The following SI variants were observed in gnomAD, a reference collection of about 807,000 sequenced individuals.
SI encodes sucrase-isomaltase, intestinal.
In SI, 235 loss-of-function variants were observed where a neutral mutation model predicts 253.3. That is an observed-to-expected ratio of 0.93 (90% CI 0.83 to 1.03). The LOEUF is 1.03. Among genes scored for constraint, SI ranks in the 50% least tolerant of loss-of-function variants. The probability of loss-of-function intolerance (pLI) is 0.00; values close to 1 mark genes in which losing one functional copy is unlikely to be tolerated. For synonymous variants in SI, 819 were observed against 712.0 expected (o/e 1.15, Z -2.39); for missense variants, 2,442 against 2,211.1 (o/e 1.10, Z -2.09).
At chr3:165,067,579 TA>T in intron 5 of SI, 88 bp from the exon 6 acceptor site, 1 of 1,187,150 alleles carries the variant, frequency 8.4e-7, no homozygotes, top group Non-Finnish European at 1.2e-6. Flanking sequence ...AAGTTCCAAA[TA>T]AAAAATAACG....
At chr3:165,075,211 C>T (rs941116456) in intron 2 of SI, among the ~76,000 whole-genome samples, 1 of 151,928 alleles carries the variant, frequency 6.6e-6, no homozygotes, top group African/African-American at 2.4e-5. Flanking sequence ...TATATTGCTT[C>T]ATAATACAGT....
chr3:165,065,835 T>C (rs1280569750), intron 6 of SI, among the ~76,000 whole-genome samples: 2 of 151,758 alleles, frequency 1.3e-5, no homozygotes, highest in Non-Finnish European at 2.9e-5. Flanking sequence ...AAATACAGTA[T>C]TTTACTGGCT....
At chr3:165,003,680 C>T (rs1442245756) in intron 37 of SI, among the ~76,000 whole-genome samples, 1 of 151,992 alleles carries the variant, frequency 6.6e-6, no homozygotes, top group East Asian at 1.9e-4. Flanking sequence ...GTTTTCAACC[C>T]TGTCTGCTCA....
Position 165,039,900 on chromosome 3 carries a change from G to A in SI, c.2231C>T (p.Pro744Leu). 1.2e-6 allele frequency: 2 copies of A among 1,611,848 alleles called. No homozygotes were observed. Among genetic ancestry groups the A allele is most frequent in the Non-Finnish European group, 1.7e-6 (2 of 1,178,180 alleles). ...TGTAGAGCCTACCTGTTTTAGAACAGGAGTAATAAGTAATGCAGGGCCCCA... is the reference window on the plus strand; with the variant it reads ...TGTAGAGCCTACCTGTTTTAGAACAAGAGTAATAAGTAATGCAGGGCCCCA... ...FLWGPALLIT[P>L]VLKQGADTVS... Residue 744 changes from proline (P) to leucine (L), a missense_variant, in exon 19 of 48, where the codon CCT becomes CTT. Physicochemically the swap from Pro to Leu is moderately conservative, Grantham distance 98. Coordinates refer to ENST00000264382, the MANE Select transcript of SI (RefSeq NM_001041.4).
intron 13 of SI, among the ~76,000 whole-genome samples, chr3:165,054,569 G>T (rs1321322037): frequency 6.6e-6 from 1 of 151,964 alleles, no homozygotes; most frequent in Non-Finnish European, 1.5e-5. Flanking sequence ...TGGTCGGGCT[G>T]GTCTCGAACT....
intron 8 of SI, among the ~76,000 whole-genome samples, chr3:165,062,739 T>C (rs1487696978): frequency 1.3e-5 from 2 of 152,098 alleles, no homozygotes; most frequent in African/African-American, 4.8e-5. Flanking sequence ...GATATTGTGT[T>C]GCAAAGGGTT....
chr3:165,071,165 G>A (rs1714552814), intron 3 of SI, among the ~76,000 whole-genome samples: 1 of 152,004 alleles, frequency 6.6e-6, no homozygotes, highest in Non-Finnish European at 1.5e-5. Flanking sequence ...GCGATTCCAA[G>A]TAGACACGAA....
intron 1 of SI, among the ~76,000 whole-genome samples, chr3:165,078,089 A>G (rs1486927415): frequency 6.6e-6 from 1 of 151,518 alleles, no homozygotes; most frequent in Non-Finnish European, 1.5e-5. Context: ...CTTAAAATAT[A>G]TTTAAGCATA....
intron 3 of SI, among the ~76,000 whole-genome samples, chr3:165,070,992 T>C (rs574514757): frequency 3.3e-5 from 5 of 152,178 alleles, no homozygotes; most frequent in African/African-American, 1.2e-4. Context: ...TTCCAATTTT[T>C]GCTTCCATTT....
At chr3:165,017,896 C>T (rs1719118728) in intron 29 of SI, 23 bp from the exon 30 acceptor site, 2 of 1,590,100 alleles carry the variant, frequency 1.3e-6, no homozygotes, top group East Asian at 4.5e-5. Context: ...AATAACATCC[C>T]ATTTTCATCT....
chr3:164,982,184 G>A, intron 47 of SI, 59 bp downstream of exon 47: 1 of 1,278,946 alleles, frequency 7.8e-7, no homozygotes, highest in Non-Finnish European at 1.1e-6. Context: ...GATATAAGAA[G>A]TCCATGTAGA....
At chr3:165,033,347 G>A in intron 23 of SI, 48 bp downstream of exon 23, 1 of 1,485,840 alleles carries the variant, frequency 6.7e-7, no homozygotes, top group Middle Eastern at 2.4e-4. Flanking sequence ...AATAACCTAG[G>A]CATGAACAAA....
intron 25 of SI, among the ~76,000 whole-genome samples, chr3:165,025,164 T>A (rs1202285265): frequency 6.6e-6 from 1 of 151,126 alleles, no homozygotes; most frequent in East Asian, 1.9e-4. Context: ...CAAGCTTATT[T>A]CGTTGATGAT....
At chr3:164,993,503 A>G (rs1246060814) in intron 41 of SI, among the ~76,000 whole-genome samples, 7 of 151,708 alleles carry the variant, frequency 4.6e-5, no homozygotes. Context: ...TGCCTTTTTT[A>G]AATGGGCTTA....
chr3:165,052,042 A>G (rs550197895), intron 13 of SI, among the ~76,000 whole-genome samples: 45 of 152,168 alleles, frequency 3.0e-4, no homozygotes, highest in Middle Eastern at 3.4e-3. Context: ...CATATTTTAC[A>G]TAATACATGA....
intron 34 of SI, among the ~76,000 whole-genome samples, chr3:165,012,347 G>C (rs948570925): frequency 6.6e-6 from 1 of 152,102 alleles, no homozygotes; most frequent in Non-Finnish European, 1.5e-5. Flanking sequence ...AGTTTACGAT[G>C]ATTTATTATA....
At chr3:165,020,361 G>A (rs1001749775) in intron 27 of SI, among the ~76,000 whole-genome samples, 15 of 151,654 alleles carry the variant, frequency 9.9e-5, no homozygotes, top group African/African-American at 9.7e-5. Context: ...TAAAGAGGAA[G>A]GAAAGTAACA....
chr3:165,055,434 C>A, intron 12 of SI, 127 bp from the exon 13 acceptor site: 3 of 569,970 alleles, frequency 5.3e-6, no homozygotes, highest in Non-Finnish European at 9.2e-6. Context: ...GTATATGTGA[C>A]TCATATATAA....
At chr3:165,036,945 T>A (rs1226557604) in intron 21 of SI, among the ~76,000 whole-genome samples, 1 of 151,402 alleles carries the variant, frequency 6.6e-6, no homozygotes, top group Non-Finnish European at 1.5e-5. Flanking sequence ...ATAACAGGAG[T>A]AATGAGATGT....
Sources: gnomAD v4.1 joint callset for allele counts (sites outside exome capture counted in the v4.1 genomes callset) on GRCh38, gnomAD v4.1.1 for gene constraint, MANE v1.5 for transcripts, NCBI Gene and HGNC (gene_info 2026-07-23, HGNC 2026-07-21) for gene names.